CROT: variants seen among roughly 807,000 people sequenced by gnomAD.
CROT encodes peroxisomal carnitine O-octanoyltransferase.
A neutral mutation model predicts 89.2 loss-of-function variants in CROT; 84 were observed. The ratio of observed to expected loss-of-function variants is 0.94; its 90% CI spans 0.79 to 1.13. The LOEUF is 1.13. Ranked by LOEUF, CROT falls within the 50% of genes most tolerant of loss-of-function variation. CROT has a pLI of 0.00. For synonymous variants in CROT, 212 were observed against 239.5 expected, an observed-to-expected ratio of 0.89 and a Z score of 1.06; for missense variants, 711 against 727.8, an observed-to-expected ratio of 0.98 and a Z score of 0.27.
Position 87,398,658 on chromosome 7 carries a change from A to G in CROT, c.*14A>G, listed in dbSNP as rs768785731. ...ACTCATCTTTAGAGATGAATCATCT[A>G]TTAAGCACTTACCAAAACATATCAT... On this transcript the variant is annotated 3_prime_UTR_variant, in exon 18 of 18. Coordinates refer to ENST00000331536, the MANE Select transcript of CROT (RefSeq NM_021151.4). The G allele has an allele frequency of 6.2e-6, 10 of 1,611,026 alleles. No homozygotes were observed. The highest frequency in any genetic ancestry group is 8.5e-6 in the Non-Finnish European group (10 of 1,179,114).
At chr7:87,370,281 C>G (rs892368528) in intron 7 of CROT, among the ~76,000 whole-genome samples, 2 of 152,130 alleles carry the variant, frequency 1.3e-5, no homozygotes, top group Admixed American at 1.3e-4. Context: ...ATTCCAGGTT[C>G]AAGTGATTCT....
chr7:87,382,187 T>G lies in CROT; in HGVS notation c.1170+6T>G, dbSNP rs1807032700. ...AAGCCCAGTATCTCAGGGAGGTATA[T>G]TTTTCACTTTTCTCTTAAATAATAA... On this transcript the variant is annotated splice_donor_region_variant and intron_variant, in intron 12 of 17. Transcript: ENST00000331536. The G allele has an allele frequency of 6.3e-7, 1 of 1,583,522 alleles. No homozygotes were observed. Among genetic ancestry groups the G allele is most frequent in the African/African-American group, 1.4e-5 (1 of 73,716 alleles).
At position 87,354,258 on chromosome 7, in the gene CROT, G is replaced by C. The variant is rs79754847; in HGVS notation, c.116-4948G>C. Reference sequence around the variant, plus strand: ...CAACCAAAAAAACCTAATAAAGACAGCATAGGAATTATACAATCTTGTTTC... The same window carrying C: ...CAACCAAAAAAACCTAATAAAGACACCATAGGAATTATACAATCTTGTTTC... On this transcript the variant is annotated intron_variant, in intron 3 of 17. Coordinates refer to ENST00000331536, the MANE Select transcript of CROT (RefSeq NM_021151.4). The C allele has an allele frequency of 3.3e-3, 1,396 of 424,258 alleles. 14 individuals carry two copies. The highest frequency in any genetic ancestry group is 0.025 in the African/African-American group (1,220 of 48,278). 26.3% of individuals were successfully genotyped at this position (424,258 alleles called of 1,614,324 possible).
chr7:87,379,106 A>G (rs1360822698), intron 10 of CROT, among the ~76,000 whole-genome samples: 2 of 152,062 alleles, frequency 1.3e-5, no homozygotes, highest in African/African-American at 4.8e-5. Flanking sequence ...ATTCCTTGCA[A>G]ACTACCCTTT....
intron 3 of CROT, among the ~76,000 whole-genome samples, chr7:87,355,491 G>T (rs1806035194): frequency 6.6e-6 from 1 of 151,928 alleles, no homozygotes; most frequent in Non-Finnish European, 1.5e-5. Context: ...TTTTAAATAA[G>T]CTCTAAATTA....
chr7:87,367,264 T>A (rs1263078801), intron 6 of CROT, among the ~76,000 whole-genome samples: 1 of 152,160 alleles, frequency 6.6e-6, no homozygotes, highest in Admixed American at 6.5e-5. Context: ...GATGGAAGTA[T>A]GAGAAGGTTA....
chr7:87,382,591 A>G lies in CROT; in HGVS notation c.1301+48A>G, dbSNP rs199616497. On this transcript the variant is annotated intron_variant, in intron 13 of 17. Coordinates refer to ENST00000331536, the MANE Select transcript of CROT (RefSeq NM_021151.4). ...TTTCACAGTCTTGAAGTCCAAGGGT[A>G]TATCTTTTTTTATAGCTATTTCATC... 8.6e-5 allele frequency: 133 copies of G among 1,549,418 alleles called. No homozygotes were observed. The East Asian group carries it at 1.8e-3, about 21-fold the overall frequency.
intron 6 of CROT, among the ~76,000 whole-genome samples, chr7:87,362,377 A>G (rs1262843355): frequency 2.0e-5 from 3 of 148,290 alleles, no homozygotes; most frequent in African/African-American, 7.5e-5. Flanking sequence ...GCTCACTGCA[A>G]CCTCCACCTC....
rs79101266 is a variant in CROT at position 87,373,458 on chromosome 7, C to G, written c.657-2174C>G. 7.5e-3 allele frequency among the ~76,000 whole-genome samples: 1,143 copies of G among 151,848 alleles called. 33 individuals are homozygous for G. The East Asian group carries it at 0.1, about 14-fold the overall frequency. ...AATTTTATCTCTTTTTTTGTTGTTA[C>G]ATGTGCTTTTGGAATTGTATCTAAG... On this transcript the variant is annotated intron_variant, in intron 7 of 17. Coordinates refer to ENST00000331536, the MANE Select transcript of CROT (RefSeq NM_021151.4).
intron 13 of CROT, among the ~76,000 whole-genome samples, chr7:87,387,939 A>G (rs2116117463): frequency 6.6e-6 from 1 of 152,306 alleles, no homozygotes; most frequent in Admixed American, 6.5e-5. Context: ...GCGACAGAGC[A>G]AGACTTTGGC....
intron 5 of CROT, 51 bp downstream of exon 5, chr7:87,361,622 C>A (rs1806277076): frequency 2.0e-6 from 3 of 1,532,994 alleles, no homozygotes; most frequent in East Asian, 4.6e-5. Flanking sequence ...TCTCAGGTAG[C>A]AAAATGTTGA....
intron 6 of CROT, among the ~76,000 whole-genome samples, chr7:87,365,897 ACCTGG>A (rs1489476734): frequency 6.6e-6 from 1 of 151,938 alleles, no homozygotes; most frequent in Non-Finnish European, 1.5e-5. Flanking sequence ...GAGCCACAGC[ACCTGG>A]CCTGTTGTTT....
At chr7:87,396,390 A>C (rs1807523940) in intron 17 of CROT, among the ~76,000 whole-genome samples, 1 of 152,236 alleles carries the variant, frequency 6.6e-6, no homozygotes, top group East Asian at 1.9e-4. Flanking sequence ...TAGTAGAAGC[A>C]GTGCCAGAAC....
intron 10 of CROT, 47 bp downstream of exon 10, chr7:87,377,497 T>G (rs1584638585): frequency 1.8e-6 from 2 of 1,083,004 alleles, no homozygotes; most frequent in Middle Eastern, 2.6e-4. Flanking sequence ...TTAGGTTAAA[T>G]TAATGACAAT....
intron 3 of CROT, among the ~76,000 whole-genome samples, chr7:87,355,889 C>T (rs149483396): frequency 4.9e-4 from 74 of 152,304 alleles, no homozygotes; most frequent in African/African-American, 1.7e-3. Flanking sequence ...AAAGAGCACT[C>T]ACCTATACAT....
intron 13 of CROT, among the ~76,000 whole-genome samples, chr7:87,387,942 AC>A (rs1380957648): frequency 6.6e-6 from 1 of 152,206 alleles, no homozygotes; most frequent in African/African-American, 2.4e-5. Context: ...ACAGAGCAAG[AC>A]TTTGGCACCA....
At chr7:87,348,179 C>T (rs6943685) in intron 2 of CROT, among the ~76,000 whole-genome samples, 7,566 of 151,768 alleles carry the variant, frequency 0.05, 451 homozygotes, top group African/African-American at 0.14. Context: ...GCTATTTTAA[C>T]ATATAATTAC....
intron 17 of CROT, among the ~76,000 whole-genome samples, chr7:87,396,756 T>C (rs1223610059): frequency 6.6e-6 from 1 of 152,130 alleles, no homozygotes; most frequent in Non-Finnish European, 1.5e-5. Flanking sequence ...TTCCATTACA[T>C]GGCATAAGAC....
chr7:87,378,921 C>T (rs1584639723), intron 10 of CROT, among the ~76,000 whole-genome samples: 1 of 152,318 alleles, frequency 6.6e-6, no homozygotes, highest in East Asian at 1.9e-4. Flanking sequence ...TGGAGTATCT[C>T]ATCAGAGCTA....
Sources: allele counts gnomAD v4.1 joint callset (sites outside exome capture counted in the v4.1 genomes callset), GRCh38; gene constraint gnomAD v4.1.1; transcripts MANE v1.5; gene names NCBI Gene and HGNC (gene_info 2026-07-23, HGNC 2026-07-21).